Variants in GPR142 observed in about 807,000 individuals in gnomAD.
The protein encoded by GPR142 is G protein-coupled receptor 142.
In GPR142, 9 loss-of-function variants were observed where a neutral mutation model predicts 10.6. The ratio of observed to expected loss-of-function variants is 0.85; its 90% CI spans 0.51 to 1.48. GPR142 has a LOEUF of 1.48. GPR142 is among the 40% of genes most tolerant of loss of function. The probability of loss-of-function intolerance (pLI) is 0.00; values close to 1 mark genes in which losing one functional copy is unlikely to be tolerated. For missense variants in GPR142, 482 were observed against 506.0 expected (o/e 0.95, Z 0.45); for synonymous variants, 202 against 221.2 (o/e 0.91, Z 0.77).
In GPR142 at chr17:74,371,923, G is replaced by C. The variant is rs1323244227; in HGVS notation, c.448G>C (p.Glu150Gln). The change falls in exon 4 of 4, where the codon GAG (glutamate) becomes CAG (glutamine). Residue 150 changes from glutamate (E) to glutamine (Q), a missense_variant. Glu to Gln is a conservative substitution (Grantham distance 29). Transcript: ENST00000582579. The part of the protein sequence containing the change: ...QAVVRTANIL[E>Q]FAANHASVWI... ...TGTGGTGCGCACGGCCAACATCCTGGAGTTTGCTGCCAACCACGCCTCAGT... is the reference window on the plus strand; with the variant it reads ...TGTGGTGCGCACGGCCAACATCCTGCAGTTTGCTGCCAACCACGCCTCAGT... 1 of 1,612,880 alleles carries C rather than the reference G, an allele frequency of 6.2e-7. No individual in the cohort carries two copies. The highest frequency in any genetic ancestry group is 8.5e-7 in the Non-Finnish European group (1 of 1,180,022).
rs375305722 is a variant in GPR142, at chr17:74,370,671, G to T, written c.245G>T (p.Gly82Val). The T allele has an allele frequency of 1.9e-6, 3 of 1,611,850 alleles. No homozygotes were observed. Among genetic ancestry groups the T allele is most frequent in the South Asian group, 2.2e-5 (2 of 90,822 alleles). Residue 82 changes from glycine to valine, a missense_variant, in exon 3 of 4, where the codon GGG (glycine) becomes GTG (valine). Coordinates refer to ENST00000582579, the MANE Select transcript of GPR142 (RefSeq NM_001331076.1). ...VIYYSVLLGL[G>V]LPVSLLTAVA... Reference sequence around the variant, plus strand: ...TACTACAGTGTCCTGCTGGGCTTGGGGCTGCCTGGTGAGTGGGGAGCTGGG... The same window carrying T: ...TACTACAGTGTCCTGCTGGGCTTGGTGCTGCCTGGTGAGTGGGGAGCTGGG...
At position 74,369,609 on chromosome 17, in the gene GPR142, C is replaced by A. The variant is rs745694798; in HGVS notation, c.69C>A (p.Ser23Arg). 2 of 1,550,244 alleles carry A rather than the reference C, an allele frequency of 1.3e-6. No individual in the cohort carries two copies. The highest frequency in any genetic ancestry group is 1.7e-6 in the Non-Finnish European group (2 of 1,146,534). Residue 23 changes from serine to arginine, a missense_variant, in exon 2 of 4, where the codon AGC becomes AGA. By Grantham distance (110) the Ser-to-Arg change is moderately radical. Transcript: ENST00000582579. ...TGACCCAGGACTCAGGGCCCCAGAGCATGGGGCTTGAGGGACGAGAGACAG... is the reference window on the plus strand; with the variant it reads ...TGACCCAGGACTCAGGGCCCCAGAGAATGGGGCTTGAGGGACGAGAGACAG... ...PQVTQDSGPQ[S>R]MGLEGRETAG...
At chr17:74,368,091 G>A (rs1020150126) in intron 1 of GPR142, among the ~76,000 whole-genome samples, 5 of 152,204 alleles carry the variant, frequency 3.3e-5, no homozygotes, top group African/African-American at 4.8e-5. Flanking sequence ...GACCAGCCTC[G>A]GCAACACAGC....
Position 74,370,509 on chromosome 17 carries a change from C to T in GPR142, c.95-12C>T, listed in dbSNP as rs369656766. 47 of 1,603,324 alleles carry T rather than the reference C, an allele frequency of 2.9e-5. No individual in the cohort carries two copies. The highest frequency in any genetic ancestry group is 2.5e-4 in the East Asian group (11 of 44,806). On this transcript the variant is annotated splice_polypyrimidine_tract_variant and intron_variant, in intron 2 of 3. Coordinates refer to ENST00000582579, the MANE Select transcript of GPR142 (RefSeq NM_001331076.1). ...ACCAGAGGCTCTGACTCTGCCCATCCGCACCTTCTAGCTGGCCAGCCACGA... is the reference window on the plus strand; with the variant it reads ...ACCAGAGGCTCTGACTCTGCCCATCTGCACCTTCTAGCTGGCCAGCCACGA...
rs929259391 is a variant in GPR142 at position 74,367,800 on chromosome 17, T to C, written c.-74+6T>C. 1.9e-6 allele frequency: 3 copies of C among 1,592,112 alleles called. No homozygotes were observed. Among genetic ancestry groups the C allele is most frequent in the African/African-American group, 2.7e-5 (2 of 74,308 alleles). On this transcript the variant is annotated splice_donor_region_variant and intron_variant, in intron 1 of 3. Transcript: ENST00000582579. Reference sequence around the variant, plus strand: ...GCCTTCTATGGGGTGGGATGGTAAGTTGCTGGAAGGACGTGCATGGGGCAT... The same window carrying C: ...GCCTTCTATGGGGTGGGATGGTAAGCTGCTGGAAGGACGTGCATGGGGCAT...
chr17:74,370,728 G>A (rs766023515), intron 3 of GPR142, 49 bp downstream of exon 3: 1 of 1,565,960 alleles, frequency 6.4e-7, no homozygotes. Flanking sequence ...CAGAAATGGG[G>A]ATCCTCCTTC....
Position 74,370,657 on chromosome 17 carries a change from C to A in GPR142, c.231C>A (p.Val77=), listed in dbSNP as rs2055017157. 6.2e-7 allele frequency: 1 copy of A among 1,613,304 alleles called. No homozygotes were observed. The highest frequency in any genetic ancestry group is 8.5e-7 in the Non-Finnish European group (1 of 1,179,606). ...TCATCCCTGTCATCTACTACAGTGT[C>A]CTGCTGGGCTTGGGGCTGCCTGGTG... ...AGVIPVIYYS[V]LLGLGLPVSL... The change falls in exon 3 of 4, where the codon GTC becomes GTA. Residue 77 remains valine (V), a synonymous_variant. Transcript: ENST00000582579.
In GPR142 at chr17:74,370,565, G is replaced by A. The variant is rs111964829; in HGVS notation, c.139G>A (p.Gly47Arg). The change falls in exon 3 of 4, where the codon GGG becomes AGG. Residue 47 changes from glycine (G) to arginine (R), a missense_variant. Physicochemically the swap from Gly to Arg is moderately radical, Grantham distance 125 (BLOSUM62 -2). Coordinates refer to ENST00000582579, the MANE Select transcript of GPR142 (RefSeq NM_001331076.1). ...VTLLPTPHVS[G>R]LSQEFESHWP... ...CCTGCTGCCCACGCCCCACGTCAGC[G>A]GGCTGAGCCAGGAGTTTGAAAGCCA... is the stretch of plus-strand genomic sequence containing the variant. 2.2e-5 allele frequency: 36 copies of A among 1,613,278 alleles called. 1 individual carries two copies. The highest frequency in any genetic ancestry group is 3.3e-4 in the Middle Eastern group (2 of 6,080).
chr17:74,371,876 T>C lies in GPR142; in HGVS notation c.401T>C (p.Leu134Pro), dbSNP rs988190574. ...GGCTTCCTCCTGCAGGGAGCAGTGC[T>C]GGCCCGCCAGGTGCCCCAGGCTGTG... ...FAGFLLQGAVLARQVPQAVVR... is the reference protein window; with the variant it reads ...FAGFLLQGAVPARQVPQAVVR... Residue 134 changes from leucine to proline, a missense_variant, in exon 4 of 4, where the codon CTG (leucine) becomes CCG (proline). By Grantham distance (98) the Leu-to-Pro change is moderately conservative. Coordinates refer to ENST00000582579, the MANE Select transcript of GPR142 (RefSeq NM_001331076.1). 3 of 1,613,506 alleles carry C rather than the reference T, an allele frequency of 1.9e-6. No homozygotes were observed. The highest frequency in any genetic ancestry group is 2.5e-6 in the Non-Finnish European group (3 of 1,180,028).
chr17:74,370,927 A>G (rs1353321622), intron 3 of GPR142, among the ~76,000 whole-genome samples: 1 of 152,156 alleles, frequency 6.6e-6, no homozygotes, highest in Non-Finnish European at 1.5e-5. Flanking sequence ...AACAAAATTC[A>G]CATAGGAACT....
chr17:74,368,917 G>T (rs554408486), intron 1 of GPR142, among the ~76,000 whole-genome samples: 2 of 151,600 alleles, frequency 1.3e-5, no homozygotes, highest in African/African-American at 4.8e-5. Flanking sequence ...TCCTGCCCCT[G>T]GGGGTAGCCT....
At chr17:74,371,607 A>G in intron 3 of GPR142, 122 bp from the exon 4 acceptor site, 1 of 1,066,818 alleles carries the variant, frequency 9.4e-7, no homozygotes, top group Non-Finnish European at 1.3e-6. Context: ...GGAAGGAGAA[A>G]AAAGAGAAGC....
intron 3 of GPR142, among the ~76,000 whole-genome samples, chr17:74,371,426 T>G (rs963875157): frequency 1.2e-4 from 19 of 152,136 alleles, no homozygotes; most frequent in African/African-American, 4.6e-4. Flanking sequence ...CCCAAAGTGC[T>G]GGATTACAGG....
chr17:74,370,881 C>T (rs1379976598), intron 3 of GPR142, among the ~76,000 whole-genome samples: 1 of 152,112 alleles, frequency 6.6e-6, no homozygotes, highest in Non-Finnish European at 1.5e-5. Context: ...ACAGCTAAAC[C>T]CAAGTTTTCC....
At chr17:74,368,823 A>G (rs2055001995) in intron 1 of GPR142, among the ~76,000 whole-genome samples, 1 of 152,166 alleles carries the variant, frequency 6.6e-6, no homozygotes, top group South Asian at 2.1e-4. Flanking sequence ...AGCTTGCAGG[A>G]CTGTGGTTTC....
In GPR142 at chr17:74,372,463, A is replaced by G. The variant is rs755462171; in HGVS notation, c.988A>G (p.Ser330Gly). 6.2e-7 allele frequency: 1 copy of G among 1,613,950 alleles called. No individual in the cohort carries two copies. Among genetic ancestry groups the G allele is most frequent in the South Asian group, 1.1e-5 (1 of 91,088 alleles). ...AANFGLYCFV[S>G]KTFRATVRQV... ...CAACTTCGGCCTCTACTGCTTTGTCAGCAAGACTTTCCGGGCCACTGTCCG... is the reference window on the plus strand; with the variant it reads ...CAACTTCGGCCTCTACTGCTTTGTCGGCAAGACTTTCCGGGCCACTGTCCG... Residue 330 changes from serine to glycine, a missense_variant, in exon 4 of 4, where the codon AGC becomes GGC. Coordinates refer to ENST00000582579, the MANE Select transcript of GPR142 (RefSeq NM_001331076.1).
intron 3 of GPR142, among the ~76,000 whole-genome samples, chr17:74,371,226 G>C (rs186497039): frequency 7.0e-6 from 1 of 143,150 alleles, no homozygotes; most frequent in African/African-American, 2.6e-5. Flanking sequence ...GCATGATCTC[G>C]GCTCATTGCA....
At position 74,372,120 on chromosome 17, in the gene GPR142, C is replaced by T. The variant is rs778706487; in HGVS notation, c.645C>T (p.Thr215=). 24 of 1,614,044 alleles carry T rather than the reference C, an allele frequency of 1.5e-5. No individual in the cohort carries two copies. Among genetic ancestry groups the T allele is most frequent in the South Asian group, 9.9e-5 (9 of 91,076 alleles). The change falls in exon 4 of 4, where the codon ACC becomes ACT. Residue 215 remains threonine, a synonymous_variant. Transcript: ENST00000582579. The part of the protein sequence containing the change: ...FYWWLDMWRD[T]DSPRTLDEVL... ...GGTGGCTGGACATGTGGAGAGACACCGACTCACCCAGAACACTGGACGAGG... is the reference window on the plus strand; with the variant it reads ...GGTGGCTGGACATGTGGAGAGACACTGACTCACCCAGAACACTGGACGAGG...
intron 1 of GPR142, among the ~76,000 whole-genome samples, chr17:74,369,106 A>T (rs958863604): frequency 6.6e-6 from 1 of 151,996 alleles, no homozygotes; most frequent in Admixed American, 6.5e-5. Context: ...TAGAGTCAGC[A>T]CCCTGAGTCC....
Sources: gnomAD v4.1 joint callset for allele counts (sites outside exome capture counted in the v4.1 genomes callset) on GRCh38, gnomAD v4.1.1 for gene constraint, MANE v1.5 for transcripts, NCBI Gene and HGNC (gene_info 2026-07-23, HGNC 2026-07-21) for gene names.